Variants in IL1RAPL2 observed in about 807,000 individuals in gnomAD.
IL1RAPL2 encodes the protein X-linked interleukin-1 receptor accessory protein-like 2.
IL1RAPL2 carries 3 observed loss-of-function variants against 44.1 expected under a neutral mutation model. That is an observed-to-expected ratio of 0.07 (90% CI 0.03 to 0.18). IL1RAPL2 has a LOEUF of 0.18. Ranked by LOEUF, IL1RAPL2 falls within the 10% of genes least tolerant of loss-of-function variation. The pLI, the probability that IL1RAPL2 is intolerant of heterozygous loss-of-function variation, is 1.00. For synonymous variants in IL1RAPL2, 181 were observed against 178.8 expected (o/e 1.01, Z -0.10); for missense variants, 391 against 496.4 (o/e 0.79, Z 2.02).
At chrX:104,624,013 T>C (rs192109720) in intron 1 of IL1RAPL2, among the ~76,000 whole-genome samples, 108 of 112,220 alleles carry the variant, frequency 9.6e-4, no homozygotes, top group Admixed American at 3.5e-3. Flanking sequence ...TTTAGCTTCC[T>C]GGCAGGCACT....
chrX:105,681,986 A>G (rs933647686), intron 6 of IL1RAPL2, among the ~76,000 whole-genome samples: 3 of 111,774 alleles, frequency 2.7e-5, no homozygotes, highest in African/African-American at 9.7e-5. Context: ...TCTAAGACAA[A>G]AGACTATGGT....
chrX:105,547,636 A>G (rs935418126), intron 6 of IL1RAPL2, among the ~76,000 whole-genome samples: 6 of 111,711 alleles, frequency 5.4e-5, no homozygotes, highest in South Asian at 3.7e-4. Flanking sequence ...GGGCTCATTC[A>G]TATGTCCTGT....
At chrX:105,165,798 C>T (rs779241056) in intron 2 of IL1RAPL2, among the ~76,000 whole-genome samples, 3 of 111,456 alleles carry the variant, frequency 2.7e-5, no homozygotes, top group Non-Finnish European at 5.7e-5. Flanking sequence ...GATGTCCTGT[C>T]CTCTGTATTC....
At chrX:104,946,855 G>A (rs1465952257) in intron 2 of IL1RAPL2, among the ~76,000 whole-genome samples, 6 of 95,265 alleles carry the variant, frequency 6.3e-5, no homozygotes, top group Non-Finnish European at 1.3e-4. Context: ...TTGCTATTGT[G>A]AATAATGCCG....
At chrX:105,298,791 G>T (rs2034674015) in intron 5 of IL1RAPL2, among the ~76,000 whole-genome samples, 1 of 110,576 alleles carries the variant, frequency 9.0e-6, no homozygotes, top group African/African-American at 3.3e-5. Flanking sequence ...GAAATACCAG[G>T]AGTATGGGTG....
At chrX:105,466,957 A>C (rs1310255484) in intron 5 of IL1RAPL2, among the ~76,000 whole-genome samples, 1 of 110,877 alleles carries the variant, frequency 9.0e-6, no homozygotes, top group Non-Finnish European at 1.9e-5. Context: ...TAACAGACCC[A>C]CTATCACGAT....
At chrX:104,981,641 C>G (rs1256539676) in intron 2 of IL1RAPL2, among the ~76,000 whole-genome samples, 1 of 110,653 alleles carries the variant, frequency 9.0e-6, no homozygotes, top group Non-Finnish European at 1.9e-5. Flanking sequence ...GAGTGGGCAT[C>G]TTTTTCTTCT....
intron 5 of IL1RAPL2, among the ~76,000 whole-genome samples, chrX:105,268,342 G>A (rs754812054): frequency 8.9e-6 from 1 of 111,859 alleles, no homozygotes; most frequent in Admixed American, 9.6e-5. Context: ...TTGCAAAAGA[G>A]AGTAGAAAAA....
chrX:105,256,346 TGA>T (rs1362113112), intron 4 of IL1RAPL2, among the ~76,000 whole-genome samples: 8 of 108,261 alleles, frequency 7.4e-5, no homozygotes, highest in African/African-American at 2.4e-4. Flanking sequence ...TTTTTTTTTT[TGA>T]GACGGAGTCT....
At chrX:104,992,922 CA>C (rs1290610286) in intron 2 of IL1RAPL2, among the ~76,000 whole-genome samples, 1 of 111,407 alleles carries the variant, frequency 9.0e-6, no homozygotes, top group Non-Finnish European at 1.9e-5. Flanking sequence ...TTAGAGTCCA[CA>C]GCTACATTAG....
chrX:105,128,371 G>A (rs777055505), intron 2 of IL1RAPL2, among the ~76,000 whole-genome samples: 3 of 110,234 alleles, frequency 2.7e-5, no homozygotes, highest in Admixed American at 1.9e-4. Flanking sequence ...CCACTACTTT[G>A]AAACAATATT....
At chrX:105,471,327 A>G (rs922327518) in intron 5 of IL1RAPL2, among the ~76,000 whole-genome samples, 1 of 112,272 alleles carries the variant, frequency 8.9e-6, no homozygotes, top group Non-Finnish European at 1.9e-5. Flanking sequence ...CACAGAACCT[A>G]TGCTTTCAAC....
At chrX:104,894,866 T>A (rs1266573828) in intron 2 of IL1RAPL2, among the ~76,000 whole-genome samples, 1 of 112,173 alleles carries the variant, frequency 8.9e-6, no homozygotes, top group Non-Finnish European at 1.9e-5. Context: ...GGCACTCTGA[T>A]TTTTAGTATT....
At chrX:105,003,957 T>A (rs1012028356) in intron 2 of IL1RAPL2, among the ~76,000 whole-genome samples, 1 of 111,686 alleles carries the variant, frequency 9.0e-6, no homozygotes, top group South Asian at 3.7e-4. Flanking sequence ...ATCTATGTAA[T>A]TGGCTTTTCT....
chrX:105,162,108 C>T lies in IL1RAPL2; in HGVS notation c.83-33367C>T, dbSNP rs988812767. 1.2e-4 allele frequency among the ~76,000 whole-genome samples: 14 copies of T among 112,173 alleles called. No individual in the cohort carries two copies. The South Asian group carries it at 1.5e-3, about 12-fold the overall frequency. ...TAATATAAACTAGTTGTCATACTTA[C>T]GCTACAATGGCAAGAGCACTTGTTA... On this transcript the variant is annotated intron_variant, in intron 2 of 10. Transcript: ENST00000372582.
intron 6 of IL1RAPL2, among the ~76,000 whole-genome samples, chrX:105,570,734 G>C (rs1050769953): frequency 8.0e-5 from 9 of 111,963 alleles, no homozygotes; most frequent in Non-Finnish European, 1.7e-4. Context: ...CTTTTAAGCA[G>C]GTTAGCACTT....
intron 1 of IL1RAPL2, among the ~76,000 whole-genome samples, chrX:104,630,124 C>T (rs187992437): frequency 1.9e-5 from 2 of 102,721 alleles, no homozygotes; most frequent in African/African-American, 7.3e-5. Flanking sequence ...GCTGGGATTA[C>T]AGGTGCATGC....
At chrX:105,150,522 T>C (rs17332218) in intron 2 of IL1RAPL2, among the ~76,000 whole-genome samples, 3,129 of 112,116 alleles carry the variant, frequency 0.028, 39 homozygotes, top group Non-Finnish European at 0.042. Flanking sequence ...CATTCCTTGG[T>C]GTAAATGAAC....
chrX:105,377,160 A>G (rs1159469143), intron 5 of IL1RAPL2, among the ~76,000 whole-genome samples: 2 of 111,281 alleles, frequency 1.8e-5, no homozygotes, highest in Non-Finnish European at 3.8e-5. Flanking sequence ...CTTTTACACA[A>G]ATGGGGGCAA....
Sources: gnomAD v4.1 joint callset for allele counts (sites outside exome capture counted in the v4.1 genomes callset) on GRCh38, gnomAD v4.1.1 for gene constraint, MANE v1.5 for transcripts, NCBI Gene and HGNC (gene_info 2026-07-23, HGNC 2026-07-21) for gene names.